The following DCAKD variants were observed in gnomAD, a reference collection of about 807,000 sequenced individuals.
The protein encoded by DCAKD is dephospho-CoA kinase domain-containing protein.
In DCAKD, 15 loss-of-function variants were observed where a neutral mutation model predicts 18.7. The ratio of observed to expected loss-of-function variants is 0.80; its 90% CI spans 0.54 to 1.24. The LOEUF (loss-of-function observed/expected upper bound fraction) is 1.24, where lower values mean the gene tolerates loss of function less well. Ranked by LOEUF, DCAKD falls within the 50% of genes most tolerant of loss-of-function variation. The probability of loss-of-function intolerance (pLI) is 0.00; values close to 1 mark genes in which losing one functional copy is unlikely to be tolerated. For synonymous variants in DCAKD, 130 were observed against 133.0 expected (o/e 0.98, Z 0.16); for missense variants, 301 against 322.0 (o/e 0.93, Z 0.50).
chr17:45,047,824 G>A (rs916061735), intron 1 of DCAKD, among the ~76,000 whole-genome samples: 2 of 151,854 alleles, frequency 1.3e-5, no homozygotes, highest in African/African-American at 4.8e-5. Context: ...TCAAACACCT[G>A]AGCTCAAGTA....
At chr17:45,041,954 TAA>T (rs556920225) in intron 1 of DCAKD, among the ~76,000 whole-genome samples, 1 of 143,340 alleles carries the variant, frequency 7.0e-6, no homozygotes. Flanking sequence ...TCCTGTCTCT[TAA>T]AAAAAAAAAA....
At chr17:45,047,155 C>T (rs1246275934) in intron 1 of DCAKD, among the ~76,000 whole-genome samples, 1 of 151,562 alleles carries the variant, frequency 6.6e-6, no homozygotes, top group Non-Finnish European at 1.5e-5. Flanking sequence ...GCCTTCAACT[C>T]CTGTGTATTT....
chr17:45,035,047 T>G, intron 1 of DCAKD, 48 bp from the exon 2 acceptor site: 1 of 657,322 alleles, frequency 1.5e-6, no homozygotes, highest in South Asian at 1.9e-5. Flanking sequence ...CCAAAATAAT[T>G]GGGAGAGAGG....
At chr17:45,061,109 T>A, upstream of DCAKD, 4 of 1,330,622 alleles carry the variant, frequency 3.0e-6, no homozygotes, top group South Asian at 7.3e-5. Context: ...CGTGGCCGAA[T>A]GCCTAGGCTT....
At chr17:45,045,283 C>G (rs2053540990) in intron 1 of DCAKD, among the ~76,000 whole-genome samples, 1 of 152,146 alleles carries the variant, frequency 6.6e-6, no homozygotes, top group Non-Finnish European at 1.5e-5. Flanking sequence ...CCTGCTTTAT[C>G]CTGTAGCCTC....
At chr17:45,038,879 T>C (rs550724340) in intron 1 of DCAKD, among the ~76,000 whole-genome samples, 17 of 152,236 alleles carry the variant, frequency 1.1e-4, no homozygotes, top group Non-Finnish European at 2.2e-4. Flanking sequence ...CAAGCCCCTC[T>C]GTAGCTCATT....
intron 1 of DCAKD, among the ~76,000 whole-genome samples, chr17:45,036,255 G>A (rs1482917830): frequency 5.3e-5 from 8 of 152,208 alleles, no homozygotes; most frequent in African/African-American, 1.9e-4. Context: ...AGTGGCTCAC[G>A]CCTGTAATCC....
intron 1 of DCAKD, among the ~76,000 whole-genome samples, chr17:45,060,467 A>T (rs1383490747): frequency 6.6e-6 from 1 of 151,942 alleles, no homozygotes; most frequent in African/African-American, 2.4e-5. Context: ...TGTGATCTTG[A>T]GCCATTGCGC....
rs533874887 is a variant in DCAKD at position 45,034,777 on chromosome 17, G to A, written c.109C>T (p.His37Tyr). ...CCAACCTGCCCCTCCAACTCACCGT[G>A]CCGGGCCATCACGTCCACGTCAATC... ...AVIDVDVMAR[H>Y]VVQPGYPAHR... Residue 37 changes from histidine (H) to tyrosine (Y), a missense_variant, in exon 2 of 5, where the codon CAC becomes TAC. Coordinates refer to ENST00000651974, the MANE Select transcript of DCAKD (RefSeq NM_001288655.2). The A allele has an allele frequency of 1.3e-5, 21 of 1,614,006 alleles. No homozygotes were observed. The highest frequency in any genetic ancestry group is 1.7e-5 in the Non-Finnish European group (20 of 1,179,958).
intron 1 of DCAKD, among the ~76,000 whole-genome samples, chr17:45,060,381 C>T (rs1437504832): frequency 6.6e-6 from 1 of 151,880 alleles, no homozygotes; most frequent in Non-Finnish European, 1.5e-5. Context: ...ATAAATTATC[C>T]GGGTGTGGTG....
intron 1 of DCAKD, among the ~76,000 whole-genome samples, chr17:45,060,018 C>T (rs1324141830): frequency 6.6e-6 from 1 of 152,134 alleles, no homozygotes; most frequent in Non-Finnish European, 1.5e-5. Flanking sequence ...GCAAGAGAAT[C>T]GCTTGAACCC....
intron 4 of DCAKD, among the ~76,000 whole-genome samples, chr17:45,029,302 CA>C (rs1258468374): frequency 6.6e-6 from 1 of 152,246 alleles, no homozygotes; most frequent in African/African-American, 2.4e-5. Flanking sequence ...GGGCACTGAG[CA>C]CCACAGGCTC....
At chr17:45,056,694 C>G (rs1429660170) in intron 1 of DCAKD, among the ~76,000 whole-genome samples, 1 of 152,148 alleles carries the variant, frequency 6.6e-6, no homozygotes, top group Non-Finnish European at 1.5e-5. Flanking sequence ...AGGCTGGTCT[C>G]AAACTCCTGA....
At chr17:45,056,335 C>G (rs998396100), upstream of DCAKD, among the ~76,000 whole-genome samples, 4 of 152,044 alleles carry the variant, frequency 2.6e-5, no homozygotes, top group Non-Finnish European at 5.9e-5. Flanking sequence ...TTTTAGGGCT[C>G]TCTATGTAAG....
At position 45,051,606 on chromosome 17, in the gene DCAKD, C is replaced by T. The variant is rs970705376; in HGVS notation, c.-360G>A. 6.6e-6 allele frequency: 1 copy of T among 151,062 alleles called. No individual in the cohort carries two copies. The allele number at this position is 151,062 out of a possible 1,614,324, so 9.4% of individuals were successfully genotyped here. A position where few individuals can be genotyped will look rare whatever the true frequency, so the allele number is the denominator to read the frequency against. On this transcript the variant is annotated 5_prime_UTR_variant, in exon 1 of 5. Transcript: ENST00000651974. ...CGCCTCTAGCCCAATCTCCGCAGCG[C>T]TTACAGGCCGGCTCAGCGGGCGAGG...
upstream of DCAKD, among the ~76,000 whole-genome samples, chr17:45,053,182 A>T (rs201877165): frequency 7.0e-6 from 1 of 143,188 alleles, no homozygotes; most frequent in African/African-American, 2.5e-5. Flanking sequence ...AAAAAAAAAA[A>T]AAAAAAAAAA....
At position 45,058,624 on chromosome 17, in the gene DCAKD, G is replaced by A. The variant is rs146914696; in HGVS notation, c.-118+2264C>T. On this transcript the variant is annotated intron_variant, in intron 1 of 4. Coordinates refer to the DCAKD transcript ENST00000310604. ...TTCAGTAGAGACGGGGTTTCGCCAC[G>A]TTGGCCAGGCTGGTCTCGAACTCCT... 7.0e-3 allele frequency among the ~76,000 whole-genome samples: 1,063 copies of A among 151,394 alleles called. 16 individuals carry two copies. The highest frequency in any genetic ancestry group is 0.024 in the African/African-American group (1,000 of 41,274).
intron 1 of DCAKD, among the ~76,000 whole-genome samples, chr17:45,043,171 G>A (rs1303737282): frequency 6.6e-6 from 1 of 151,836 alleles, no homozygotes; most frequent in Middle Eastern, 3.4e-3. Flanking sequence ...TAGGATTTGC[G>A]CTTGAACCTG....
intron 1 of DCAKD, among the ~76,000 whole-genome samples, chr17:45,040,311 C>T (rs900538717): frequency 7.5e-5 from 11 of 146,196 alleles, no homozygotes; most frequent in Non-Finnish European, 1.3e-4. Context: ...TGCTTGAACC[C>T]GGGAGGCGGA....
Sources: allele counts gnomAD v4.1 joint callset (sites outside exome capture counted in the v4.1 genomes callset), GRCh38; gene constraint gnomAD v4.1.1; transcripts MANE v1.5; gene names NCBI Gene and HGNC (gene_info 2026-07-23, HGNC 2026-07-21).